Variants in ZBTB34 observed in about 807,000 individuals in gnomAD.
ZBTB34 encodes zinc finger and BTB domain-containing protein 34.
ZBTB34 carries 1 observed loss-of-function variant against 33.4 expected under a neutral mutation model. That is an observed-to-expected ratio of 0.03 (90% CI 0.01 to 0.14). The LOEUF (loss-of-function observed/expected upper bound fraction) is 0.14, where lower values mean the gene tolerates loss of function less well. ZBTB34 is among the 10% of genes least tolerant of loss of function. ZBTB34 has a pLI of 1.00. For missense variants in ZBTB34, 406 were observed against 657.2 expected (o/e 0.62, Z 4.18); for synonymous variants, 283 against 253.5 (o/e 1.12, Z -1.11).
intron 1 of ZBTB34, among the ~76,000 whole-genome samples, chr9:126,870,926 CAA>C (rs879511794): frequency 2.8e-4 from 37 of 133,462 alleles, no homozygotes; most frequent in Non-Finnish European, 3.7e-4. Flanking sequence ...GACTCTGTCT[CAA>C]AAAAAAAAAA....
chr9:126,868,688 G>T (rs1351858343), intron 1 of ZBTB34, among the ~76,000 whole-genome samples: 2 of 152,148 alleles, frequency 1.3e-5, no homozygotes, highest in Admixed American at 1.3e-4. Context: ...GTTTGCTGTT[G>T]CTTTCAGGGC....
chr9:126,876,173 TC>T (rs1564224308), intron 1 of ZBTB34, among the ~76,000 whole-genome samples: 15 of 1,540 alleles, frequency 9.7e-3, no homozygotes, highest in South Asian at 0.062. Flanking sequence ...CTTCCCCCCT[TC>T]CCCCCTTTCC....
intron 1 of ZBTB34, among the ~76,000 whole-genome samples, chr9:126,877,683 CTTG>C (rs1306089757): frequency 1.3e-5 from 2 of 152,204 alleles, no homozygotes; most frequent in Non-Finnish European, 2.9e-5. Flanking sequence ...CCCTTTCACT[CTTG>C]TTGTCTAAAA....
chr9:126,872,511 G>A (rs752592184), intron 1 of ZBTB34, among the ~76,000 whole-genome samples: 2 of 152,174 alleles, frequency 1.3e-5, no homozygotes, highest in Admixed American at 6.5e-5. Flanking sequence ...CCAGTGAGTA[G>A]CCCATGTTGT....
intron 1 of ZBTB34, among the ~76,000 whole-genome samples, chr9:126,861,293 G>C (rs2033141062): frequency 6.6e-6 from 1 of 152,182 alleles, no homozygotes; most frequent in Non-Finnish European, 1.5e-5. Flanking sequence ...GTGGCCACTC[G>C]CGCTCAGTTG....
At position 126,879,982 on chromosome 9, in the gene ZBTB34, C is replaced by T. The variant is rs747534381; in HGVS notation, c.583C>T (p.Arg195Cys). 9 of 1,613,268 alleles carry T rather than the reference C, an allele frequency of 5.6e-6. No homozygotes were observed. Among genetic ancestry groups the T allele is most frequent in the South Asian group, 1.1e-5 (1 of 91,068 alleles). The change falls in exon 2 of 2, where the codon CGC (arginine) becomes TGC (cysteine). Residue 195 changes from arginine to cysteine, a missense_variant. Transcript: ENST00000319119. This position sits in a 1 kb window ranked among gnomAD's most constrained non-coding sequence, Gnocchi z 6.4. ...GGAGACGACCCCCAGCAAAGCTTTG[C>T]GCAGCCGCTTACAGGAGGAGGGGCA... is the stretch of plus-strand genomic sequence containing the variant.
rs749252908 is a variant in ZBTB34, at chr9:126,883,713, A to G, written c.*2799A>G. ...CTCGCAGTGTTAAGAATGAATTCTC[A>G]AGCCATAACACAGTACTGTAAAGTT... On this transcript the variant is annotated 3_prime_UTR_variant, in exon 2 of 2. Transcript: ENST00000319119. The G allele has an allele frequency of 1.8e-5, 3 of 167,084 alleles. No homozygotes were observed. In the Admixed American group the frequency reaches 2.0e-4, roughly 11 times the overall value. 10.4% of individuals were successfully genotyped at this position (167,084 alleles called of 1,614,324 possible). A position where few individuals can be genotyped will look rare whatever the true frequency, so the allele number is the denominator to read the frequency against.
In ZBTB34 at chr9:126,879,806, G is replaced by A. The variant is rs1462274678; in HGVS notation, c.407G>A (p.Gly136Glu). Reference sequence around the variant, plus strand: ...AGCATCCATTCCAAAATCAGCGTTGGAGATGTTGACTCTGTTACCGTCGGT... The same window carrying A: ...AGCATCCATTCCAAAATCAGCGTTGAAGATGTTGACTCTGTTACCGTCGGT... The change falls in exon 2 of 2, where the codon GGA becomes GAA. Residue 136 changes from glycine (G) to glutamate (E), a missense_variant. Transcript: ENST00000319119. This position sits in a 1 kb window ranked among gnomAD's most constrained non-coding sequence, Gnocchi z 6.4. 7.4e-6 allele frequency: 12 copies of A among 1,613,210 alleles called. No individual in the cohort carries two copies. Among genetic ancestry groups the A allele is most frequent in the Non-Finnish European group, 9.3e-6 (11 of 1,179,888 alleles).
At chr9:126,877,544 G>A (rs375692665) in intron 1 of ZBTB34, among the ~76,000 whole-genome samples, 16 of 152,278 alleles carry the variant, frequency 1.1e-4, no homozygotes, top group African/African-American at 3.9e-4. Context: ...TGGAGCCGGG[G>A]CTATATATAC....
chr9:126,880,706 T>G lies in ZBTB34; in HGVS notation c.1307T>G (p.Ile436Ser). ...GATGATAAACCATTCCGCTGTGAGATCTGCGGGAAGTGCTTTCCATTCCAA... is the reference window on the plus strand; with the variant it reads ...GATGATAAACCATTCCGCTGTGAGAGCTGCGGGAAGTGCTTTCCATTCCAA... The change falls in exon 2 of 2, where the codon ATC becomes AGC. Residue 436 changes from isoleucine (I) to serine (S), a missense_variant. Physicochemically the swap from Ile to Ser is moderately radical, Grantham distance 142 (BLOSUM62 -2). Transcript: ENST00000319119. The surrounding 1 kb of genome is among the most constrained non-coding windows in gnomAD (Gnocchi z 6.7). 6.2e-7 allele frequency: 1 copy of G among 1,613,690 alleles called. No homozygotes were observed. Among genetic ancestry groups the G allele is most frequent in the South Asian group, 1.1e-5 (1 of 91,070 alleles).
In ZBTB34 at chr9:126,880,188, C is replaced by A. The variant is rs371109319; in HGVS notation, c.789C>A (p.Thr263=). 1.2e-6 allele frequency: 2 copies of A among 1,613,712 alleles called. No individual in the cohort carries two copies. Among genetic ancestry groups the A allele is most frequent in the African/African-American group, 1.3e-5 (1 of 74,922 alleles). ...CCCTGGGTGACGATGGGTACCACACCGAGATGGTTGATGGGGAACAAGTTG... is the reference window on the plus strand; with the variant it reads ...CCCTGGGTGACGATGGGTACCACACAGAGATGGTTGATGGGGAACAAGTTG... The change falls in exon 2 of 2, where the codon ACC becomes ACA. Residue 263 remains threonine, a synonymous_variant. Coordinates refer to ENST00000319119, the Ensembl canonical transcript of ZBTB34. This position sits in a 1 kb window ranked among gnomAD's most constrained non-coding sequence, Gnocchi z 6.7.
In ZBTB34 at chr9:126,880,740, C is replaced by G; in HGVS notation, c.1341C>G (p.Leu447=). 1 of 1,613,818 alleles carries G rather than the reference C, an allele frequency of 6.2e-7. No homozygotes were observed. The highest frequency in any genetic ancestry group is 8.5e-7 in the Non-Finnish European group (1 of 1,179,888). Reference sequence around the variant, plus strand: ...AGTGCTTTCCATTCCAAGGTACCCTCAACCAGCACTTGCGGAAAAACCACC... The same window carrying G: ...AGTGCTTTCCATTCCAAGGTACCCTGAACCAGCACTTGCGGAAAAACCACC... The change falls in exon 2 of 2, where the codon CTC becomes CTG. Residue 447 remains leucine, a synonymous_variant. Coordinates refer to ENST00000319119, the Ensembl canonical transcript of ZBTB34. The surrounding 1 kb of genome is among the most constrained non-coding windows in gnomAD (Gnocchi z 6.7).
At chr9:126,871,213 G>C (rs973891379) in intron 1 of ZBTB34, among the ~76,000 whole-genome samples, 4 of 151,644 alleles carry the variant, frequency 2.6e-5, no homozygotes, top group Non-Finnish European at 5.9e-5. Context: ...GTGTGTGTGT[G>C]TGGAGTGGGG....
chr9:126,879,059 C>T lies in ZBTB34; in HGVS notation c.-10-331C>T, dbSNP rs1227987622. ...TATTTTTCACAAAGTACTTCAAACC[C>T]TCAAAAGTACTTGAAATGGGGAAAT... On this transcript the variant is annotated intron_variant, in intron 1 of 1. Transcript: ENST00000319119. The surrounding 1 kb of genome is among the most constrained non-coding windows in gnomAD (Gnocchi z 6.4). Among the ~76,000 whole-genome samples the T allele has an allele frequency of 6.6e-6, 1 of 152,100 alleles. No homozygotes were observed.
intron 1 of ZBTB34, among the ~76,000 whole-genome samples, chr9:126,871,488 G>A (rs1230177813): frequency 1.3e-5 from 2 of 150,606 alleles, no homozygotes; most frequent in Non-Finnish European, 2.9e-5. Context: ...TCAGCCTCCC[G>A]AGTAGCTGGA....
At chr9:126,883,229 G>T (rs2033469117) in exon 2 of ZBTB34, 1 of 166,694 alleles carries the variant, frequency 6.0e-6, no homozygotes, top group South Asian at 2.1e-4. Context: ...AAAAATTTGT[G>T]TTGTGATACA....
In ZBTB34 at chr9:126,880,408, G is replaced by C. The variant is rs780848682; in HGVS notation, c.1009G>C (p.Asp337His). 1 of 1,613,474 alleles carries C rather than the reference G, an allele frequency of 6.2e-7. No individual in the cohort carries two copies. Among genetic ancestry groups the C allele is most frequent in the African/African-American group, 1.3e-5 (1 of 74,948 alleles). Residue 337 changes from aspartate to histidine, a missense_variant, in exon 2 of 2, where the codon GAC (aspartate) becomes CAC (histidine). Asp to His is a moderately conservative substitution (Grantham distance 81, BLOSUM62 -1). This residue lies in a region of ZBTB34 where 123 missense variants were observed against 140.4 expected (regional missense o/e 0.88). Transcript: ENST00000319119. The surrounding 1 kb of genome is among the most constrained non-coding windows in gnomAD (Gnocchi z 6.7). ...GGCTTTGTCTGTCCACCTGCACAGT[G>C]ACCTGCAGGGCCTGGTGCAGGGCTC...
chr9:126,861,937 A>G (rs1481095341), intron 1 of ZBTB34, among the ~76,000 whole-genome samples: 2 of 152,174 alleles, frequency 1.3e-5, no homozygotes, highest in Non-Finnish European at 2.9e-5. Context: ...TTGCTTGCTT[A>G]TTAAATGGCA....
chr9:126,877,527 C>T (rs540764001), intron 1 of ZBTB34, among the ~76,000 whole-genome samples: 1 of 152,176 alleles, frequency 6.6e-6, no homozygotes, highest in African/African-American at 2.4e-5. Context: ...ATGTTTCTGT[C>T]AGAGGATGGA....
Sources: allele counts gnomAD v4.1 joint callset (sites outside exome capture counted in the v4.1 genomes callset), GRCh38; gene constraint gnomAD v4.1.1; regional missense constraint gnomAD v4.1.1; non-coding constraint Gnocchi (gnomAD v3.1); transcripts MANE v1.5; gene names NCBI Gene and HGNC (gene_info 2026-07-23, HGNC 2026-07-21).